USH2A: variants seen among roughly 807,000 people sequenced by gnomAD.
USH2A encodes usherin, also known as Usher syndrome 2A (autosomal recessive, mild).
USH2A carries 443 observed loss-of-function variants against 538.9 expected under a neutral mutation model. The ratio of observed to expected loss-of-function variants is 0.82; its 90% confidence interval spans 0.76 to 0.89. The LOEUF is 0.89. USH2A is among the 40% of genes least tolerant of loss of function. The pLI, the probability that USH2A is intolerant of heterozygous loss-of-function variation, is 0.00. For synonymous variants in USH2A, 2,413 were observed against 2,273.5 expected (o/e 1.06, Z -1.75); for missense variants, 6,633 against 6,324.8 (o/e 1.05, Z -1.65).
intron 2 of USH2A, among the ~76,000 whole-genome samples, chr1:216,420,383 G>A (rs1165496568): frequency 2.6e-5 from 4 of 152,010 alleles, no homozygotes; most frequent in Non-Finnish European, 5.9e-5. Context: ...AAATATTTAG[G>A]AACTGGATTT....
At chr1:216,338,450 CA>C (rs1240969135) in intron 4 of USH2A, among the ~76,000 whole-genome samples, 2 of 151,194 alleles carry the variant, frequency 1.3e-5, no homozygotes, top group African/African-American at 2.4e-5. Context: ...ACACATTATA[CA>C]AAAATTAATT....
chr1:216,325,426 G>A lies in USH2A; in HGVS notation c.1022C>T (p.Pro341Leu). 6.2e-7 allele frequency: 1 copy of A among 1,613,912 alleles called. No individual in the cohort carries two copies. The highest frequency in any genetic ancestry group is 8.5e-7 in the Non-Finnish European group (1 of 1,179,926). The change falls in exon 6 of 72, where the codon CCT (proline) becomes CTT (leucine). Residue 341 changes from proline (P) to leucine (L), a missense_variant. Coordinates refer to ENST00000307340, the MANE Select transcript of USH2A (RefSeq NM_206933.4). Reference sequence around the variant, plus strand: ...ATCATTATCATTGACAAAAGAGAGAGGATGGGCTTCAGGATTCAACCGTGA... The same window carrying A: ...ATCATTATCATTGACAAAAGAGAGAAGATGGGCTTCAGGATTCAACCGTGA... ...RVSRLNPEAHPLSFVNDNDVG... is the reference protein window; with the variant it reads ...RVSRLNPEAHLLSFVNDNDVG...
intron 9 of USH2A, among the ~76,000 whole-genome samples, chr1:216,302,650 C>T (rs1010372896): frequency 6.6e-6 from 1 of 151,998 alleles, no homozygotes; most frequent in Non-Finnish European, 1.5e-5. Context: ...AATACAATGA[C>T]GACAAACACA....
chr1:216,008,397 T>C (rs1458429431), intron 32 of USH2A, among the ~76,000 whole-genome samples: 1 of 151,572 alleles, frequency 6.6e-6, no homozygotes, highest in Non-Finnish European at 1.5e-5. Context: ...TGACTGTAAT[T>C]TTCCTTTACC....
rs763127023 is a variant in USH2A, at chr1:215,650,641, A to G, written c.14294T>C (p.Val4765Ala). 3 of 1,614,060 alleles carry G rather than the reference A, an allele frequency of 1.9e-6. No individual in the cohort carries two copies. The highest frequency in any genetic ancestry group is 2.2e-5 in the South Asian group (2 of 91,082). The part of the protein sequence containing the change: ...ISAPGKPNGI[V>A]SLYRLFSSSA... Reference sequence around the variant, plus strand: ...GCTGGAGAACAGCCTGTAGAGACTGACGATCCCGTTGGGCTTCCCAGGGGC... The same window carrying G: ...GCTGGAGAACAGCCTGTAGAGACTGGCGATCCCGTTGGGCTTCCCAGGGGC... Residue 4765 changes from valine to alanine, a missense_variant, in exon 65 of 72, where the codon GTC (valine) becomes GCC (alanine). By Grantham distance (64) the Val-to-Ala change is moderately conservative. Coordinates refer to ENST00000307340, the MANE Select transcript of USH2A (RefSeq NM_206933.4).
At chr1:216,000,336 C>T in intron 33 of USH2A, 67 bp downstream of exon 33, 3 of 1,597,332 alleles carry the variant, frequency 1.9e-6, no homozygotes, top group Non-Finnish European at 2.6e-6. Flanking sequence ...ACAAGCTCCT[C>T]CCCTGATTGA....
At chr1:216,322,062 G>A in intron 8 of USH2A, 86 bp from the exon 9 acceptor site, 1 of 1,255,190 alleles carries the variant, frequency 8.0e-7, no homozygotes, top group East Asian at 2.3e-5. Context: ...TGCATTATGT[G>A]AATTTAACAG....
chr1:216,327,538 A>T lies in USH2A; in HGVS notation c.848+53T>A, dbSNP rs974608308. ...CTACATAGTATTCTTATTTAAGTGA[A>T]TTCAGCATTTATCCTTTCGGTTCTT... On this transcript the variant is annotated intron_variant, in intron 5 of 71. Transcript: ENST00000307340. The T allele has an allele frequency of 2.5e-6, 4 of 1,590,812 alleles. No individual in the cohort carries two copies. The African/African-American group carries it at 5.4e-5, about 21-fold the overall frequency.
At chr1:216,370,634 C>A (rs957935660) in intron 3 of USH2A, among the ~76,000 whole-genome samples, 56 of 128,924 alleles carry the variant, frequency 4.3e-4, no homozygotes, top group African/African-American at 1.6e-3. Flanking sequence ...GCCGAGATCG[C>A]GCCACTGCAC....
intron 14 of USH2A, among the ~76,000 whole-genome samples, chr1:216,227,645 A>AATTAAAAATG (rs2035587919): frequency 6.6e-6 from 1 of 152,206 alleles, no homozygotes; most frequent in Non-Finnish European, 1.5e-5. Flanking sequence ...CTAGATAAAA[A>AATTAAAAATG]ATTAAAAATG....
rs769795486 is a variant in USH2A at position 215,779,939 on chromosome 1, T to C, written c.10843A>G (p.Lys3615Glu). The change falls in exon 55 of 72, where the codon AAA becomes GAA. Residue 3615 changes from lysine to glutamate, a missense_variant. Lys to Glu is a moderately conservative substitution (Grantham distance 56). Coordinates refer to ENST00000307340, the MANE Select transcript of USH2A (RefSeq NM_206933.4). ...TACTCTTTAATGACGCCGTTTGATTTCTCAGGGACACTCCAGCTCAGATGC... is the reference window on the plus strand; with the variant it reads ...TACTCTTTAATGACGCCGTTTGATTCCTCAGGGACACTCCAGCTCAGATGC... ...ALHLSWSVPE[K>E]SNGVIKEYQI... 1 of 1,614,148 alleles carries C rather than the reference T, an allele frequency of 6.2e-7. No homozygotes were observed. Among genetic ancestry groups the C allele is most frequent in the South Asian group, 1.1e-5 (1 of 91,084 alleles).
At chr1:216,186,155 T>C (rs989764362) in intron 20 of USH2A, among the ~76,000 whole-genome samples, 4 of 151,352 alleles carry the variant, frequency 2.6e-5, no homozygotes, top group Non-Finnish European at 5.9e-5. Context: ...GGATTTTATA[T>C]GGAAACAAAA....
chr1:216,355,786 T>A (rs1010736615), intron 4 of USH2A, among the ~76,000 whole-genome samples: 9 of 151,826 alleles, frequency 5.9e-5, no homozygotes, highest in Non-Finnish European at 1.0e-4. Flanking sequence ...TAAACTGGAC[T>A]TTTTTTCTCC....
At chr1:216,033,634 T>C (rs1669178144) in intron 32 of USH2A, among the ~76,000 whole-genome samples, 1 of 151,886 alleles carries the variant, frequency 6.6e-6, no homozygotes. Context: ...GCAGATCTCT[T>C]GAGCTCAGGA....
At chr1:215,714,516 T>C (rs1430549323) in intron 61 of USH2A, among the ~76,000 whole-genome samples, 2 of 152,198 alleles carry the variant, frequency 1.3e-5, no homozygotes, top group Non-Finnish European at 1.5e-5. Flanking sequence ...AATGCATGCA[T>C]GCAAAAAGAA....
chr1:215,660,691 A>C (rs888195295), intron 64 of USH2A, among the ~76,000 whole-genome samples: 4 of 152,256 alleles, frequency 2.6e-5, no homozygotes, highest in Non-Finnish European at 5.9e-5. Flanking sequence ...AACATGAACA[A>C]AAGAAAAAAT....
chr1:216,141,301 C>T (rs2033597686), intron 21 of USH2A, among the ~76,000 whole-genome samples: 1 of 152,216 alleles, frequency 6.6e-6, no homozygotes, highest in Admixed American at 6.5e-5. Flanking sequence ...CTTTTGTATC[C>T]TCCCAGTGAG....
intron 19 of USH2A, among the ~76,000 whole-genome samples, chr1:216,193,678 G>A (rs1439937233): frequency 2.6e-5 from 4 of 152,068 alleles, no homozygotes; most frequent in African/African-American, 9.7e-5. Flanking sequence ...GAGACACAGA[G>A]TAGGACTTGT....
At chr1:216,070,050 CA>C in intron 30 of USH2A, 50 bp downstream of exon 30, 1 of 1,590,702 alleles carries the variant, frequency 6.3e-7, no homozygotes, top group South Asian at 1.1e-5. Flanking sequence ...ATTTAAAATG[CA>C]AACAAAAAGG....
Sources: gnomAD v4.1 joint callset for allele counts (sites outside exome capture counted in the v4.1 genomes callset) on GRCh38, gnomAD v4.1.1 for gene constraint, MANE v1.5 for transcripts, NCBI Gene and HGNC (gene_info 2026-07-23, HGNC 2026-07-21) for gene names.